The following CAMTA1 variants were observed in gnomAD, a reference collection of about 807,000 sequenced individuals.
CAMTA1 encodes calmodulin binding transcription activator 1.
Under a neutral mutation model 170.9 loss-of-function variants are expected in CAMTA1, and 27 were observed. The ratio of observed to expected loss-of-function variants is 0.16; its 90% CI spans 0.12 to 0.22. The LOEUF (loss-of-function observed/expected upper bound fraction) is 0.22. Ranked by LOEUF, CAMTA1 falls within the 10% of genes least tolerant of loss-of-function variation. The probability of loss-of-function intolerance (pLI) is 1.00; values close to 1 mark genes in which losing one functional copy is unlikely to be tolerated. For missense variants in CAMTA1, 1,619 were observed against 2,217.2 expected (o/e 0.73, Z 5.42); for synonymous variants, 833 against 891.5 (o/e 0.93, Z 1.17).
At chr1:7,057,661 C>T (rs185188888) in intron 3 of CAMTA1, among the ~76,000 whole-genome samples, 33 of 152,342 alleles carry the variant, frequency 2.2e-4, no homozygotes, top group African/African-American at 7.7e-4. Context: ...GCTGGCATTT[C>T]GTTTACACTT....
chr1:6,807,143 T>G (rs1426063116), intron 1 of CAMTA1: 3 of 483,144 alleles, frequency 6.2e-6, no homozygotes, highest in African/African-American at 5.8e-5. Context: ...TGGGGGAGGC[T>G]TCTTGAGAGC....
chr1:7,367,113 A>G (rs1388718974), intron 5 of CAMTA1, among the ~76,000 whole-genome samples: 1 of 152,218 alleles, frequency 6.6e-6, no homozygotes, highest in Non-Finnish European at 1.5e-5. Flanking sequence ...GGTGACCTCC[A>G]TTATGAGAAA....
rs747984143 is a variant in CAMTA1 at position 6,965,790 on chromosome 1, T to C, written c.235-125514T>C. ...GCATTTGCATATCGCCGTGATGAGG[T>C]CTGGATGGAGCCTGAATGCGGCATT... is the stretch of plus-strand genomic sequence containing the variant. On this transcript the variant is annotated intron_variant, in intron 3 of 22. Coordinates refer to ENST00000303635, the MANE Select transcript of CAMTA1 (RefSeq NM_015215.4). This position sits in a 1 kb window ranked among gnomAD's most constrained non-coding sequence, Gnocchi z 4.1. Among the ~76,000 whole-genome samples the C allele has an allele frequency of 3.9e-5, 6 of 152,056 alleles. No homozygotes were observed. Among genetic ancestry groups the C allele is most frequent in the Non-Finnish European group, 8.8e-5 (6 of 68,010 alleles).
chr1:7,263,584 C>T (rs1380468215), intron 5 of CAMTA1, among the ~76,000 whole-genome samples: 1 of 152,150 alleles, frequency 6.6e-6, no homozygotes, highest in African/African-American at 2.4e-5. Context: ...TTCTGTTGTT[C>T]CTCACCCCTG....
intron 5 of CAMTA1, among the ~76,000 whole-genome samples, chr1:7,405,797 G>A (rs745620392): frequency 1.3e-5 from 2 of 152,222 alleles, no homozygotes; most frequent in Non-Finnish European, 2.9e-5. Context: ...GTCAACAGCA[G>A]TGCAGTGCCC....
intron 3 of CAMTA1, among the ~76,000 whole-genome samples, chr1:7,043,769 G>C (rs1051121269): frequency 5.9e-5 from 9 of 152,172 alleles, no homozygotes; most frequent in African/African-American, 9.7e-5. Context: ...GGCCTTGGGG[G>C]TGCAGTTTGG....
chr1:7,066,725 G>A (rs527780705), intron 3 of CAMTA1, among the ~76,000 whole-genome samples: 2 of 152,310 alleles, frequency 1.3e-5, no homozygotes, highest in South Asian at 2.1e-4. Context: ...CAACATCTGC[G>A]ACACGGGACG....
Position 7,593,154 on chromosome 1 carries a change from C to T in CAMTA1, c.511-47246C>T, listed in dbSNP as rs1178699763. On this transcript the variant is annotated intron_variant, in intron 6 of 22. Transcript: ENST00000303635. Reference sequence around the variant, plus strand: ...AGCCAGAGATGGCTCGGTAAAGGTCCGGGTTTTGCCAGTCAAGACATTCCA... The same window carrying T: ...AGCCAGAGATGGCTCGGTAAAGGTCTGGGTTTTGCCAGTCAAGACATTCCA... Among the ~76,000 whole-genome samples, 11 of 152,294 alleles carry T rather than the reference C, an allele frequency of 7.2e-5. No homozygotes were observed. The East Asian group carries it at 1.4e-3, about 19-fold the overall frequency.
At chr1:7,194,946 A>G (rs181947889) in intron 4 of CAMTA1, among the ~76,000 whole-genome samples, 267 of 152,324 alleles carry the variant, frequency 1.8e-3, no homozygotes, top group African/African-American at 6.2e-3. Flanking sequence ...GATAACAATC[A>G]TTTGTTTTTG....
intron 3 of CAMTA1, among the ~76,000 whole-genome samples, chr1:7,085,379 C>T (rs959473488): frequency 6.6e-6 from 1 of 152,236 alleles, no homozygotes; most frequent in Non-Finnish European, 1.5e-5. Flanking sequence ...CACAATCTCT[C>T]CTTCAGCTCT....
intron 3 of CAMTA1, among the ~76,000 whole-genome samples, chr1:6,906,594 AATT>A (rs1417887232): frequency 1.3e-5 from 2 of 152,144 alleles, no homozygotes; most frequent in African/African-American, 4.8e-5. Flanking sequence ...TACCTTTAAT[AATT>A]ATTGTTCAAG....
At position 7,522,393 on chromosome 1, in the gene CAMTA1, G is replaced by A. The variant is rs570837922; in HGVS notation, c.510+54492G>A. On this transcript the variant is annotated intron_variant, in intron 6 of 22. Coordinates refer to ENST00000303635, the MANE Select transcript of CAMTA1 (RefSeq NM_015215.4). ...GAGTTTGTTATTATATTCTCAGTAC[G>A]AGTCCTTTGCTGACTATGTGATTTG... Among the ~76,000 whole-genome samples, 13 of 152,176 alleles carry A rather than the reference G, an allele frequency of 8.5e-5. No individual in the cohort carries two copies. In the South Asian group the frequency reaches 2.3e-3, roughly 27 times the overall value.
chr1:7,719,829 G>A (rs531176610), intron 11 of CAMTA1, among the ~76,000 whole-genome samples: 6 of 152,314 alleles, frequency 3.9e-5, no homozygotes, highest in African/African-American at 7.2e-5. Context: ...CCTAAGCAGC[G>A]CTCACAGTGC....
At chr1:6,980,575 C>T (rs535447224) in intron 3 of CAMTA1, among the ~76,000 whole-genome samples, 3 of 152,202 alleles carry the variant, frequency 2.0e-5, no homozygotes, top group Admixed American at 6.5e-5. Flanking sequence ...AATTGTAGCT[C>T]CCATAATTCC....
chr1:6,933,626 T>G (rs1489736955), intron 3 of CAMTA1, among the ~76,000 whole-genome samples: 2 of 152,142 alleles, frequency 1.3e-5, no homozygotes, highest in Non-Finnish European at 2.9e-5. Flanking sequence ...TATTTTCAGT[T>G]AAAGCATATG....
chr1:7,573,105 C>G (rs74793793), intron 6 of CAMTA1, among the ~76,000 whole-genome samples: 2,105 of 152,322 alleles, frequency 0.014, 53 homozygotes, highest in East Asian at 0.096. Context: ...AGTTCTTGCA[C>G]TGGGCAAACC....
chr1:7,027,066 A>G (rs1188289647), intron 3 of CAMTA1, among the ~76,000 whole-genome samples: 1 of 152,092 alleles, frequency 6.6e-6, no homozygotes, highest in African/African-American at 2.4e-5. Context: ...CTTCCCTGGG[A>G]TTCATGTGAA....
intron 6 of CAMTA1, among the ~76,000 whole-genome samples, chr1:7,638,430 C>T (rs1257334886): frequency 1.3e-5 from 2 of 152,154 alleles, no homozygotes; most frequent in East Asian, 1.9e-4. Flanking sequence ...CACCTGAGGT[C>T]GGGAGTTCGA....
At chr1:6,815,117 T>G (rs1645627849) in intron 1 of CAMTA1, among the ~76,000 whole-genome samples, 1 of 152,170 alleles carries the variant, frequency 6.6e-6, no homozygotes, top group Non-Finnish European at 1.5e-5. Flanking sequence ...TTTCATTACC[T>G]TTTTTTAAAA....
Sources: allele counts gnomAD v4.1 joint callset (sites outside exome capture counted in the v4.1 genomes callset), GRCh38; gene constraint gnomAD v4.1.1; non-coding constraint Gnocchi (gnomAD v3.1); transcripts MANE v1.5; gene names NCBI Gene and HGNC (gene_info 2026-07-23, HGNC 2026-07-21).